ADAMTSL1: variants seen among roughly 807,000 people sequenced by gnomAD.
ADAMTSL1 encodes ADAMTS-like protein 1.
ADAMTSL1 carries 126 observed loss-of-function variants against 201.8 expected under a neutral mutation model. The ratio of observed to expected loss-of-function variants is 0.62; its 90% CI spans 0.54 to 0.72. ADAMTSL1 has a LOEUF of 0.72. Ranked by LOEUF, ADAMTSL1 falls within the 30% of genes least tolerant of loss-of-function variation. ADAMTSL1 has a pLI of 0.00. For synonymous variants in ADAMTSL1, 1,121 were observed against 903.4 expected (o/e 1.24, Z -4.32); for missense variants, 2,679 against 2,277.8 (o/e 1.18, Z -3.59).
intron 2 of ADAMTSL1, among the ~76,000 whole-genome samples, chr9:18,308,118 A>T (rs1833979260): frequency 6.6e-6 from 1 of 152,166 alleles, no homozygotes; most frequent in South Asian, 2.1e-4. Context: ...AAATGAAGGC[A>T]GAAATACATA....
chr9:18,827,478 C>T (rs1172733452), intron 22 of ADAMTSL1, among the ~76,000 whole-genome samples: 1 of 152,096 alleles, frequency 6.6e-6, no homozygotes, highest in African/African-American at 2.4e-5. Context: ...TCACTGGTGG[C>T]TGCATAAACC....
At chr9:18,039,944 A>C (rs1005233343) in intron 1 of ADAMTSL1, among the ~76,000 whole-genome samples, 4 of 152,206 alleles carry the variant, frequency 2.6e-5, no homozygotes, top group Non-Finnish European at 4.4e-5. Flanking sequence ...CTCTTTAGAC[A>C]TATGCTACTA....
Position 18,905,773 on chromosome 9 carries a change from G to T in ADAMTSL1, c.4852-9G>T. On this transcript the variant is annotated splice_polypyrimidine_tract_variant and intron_variant, in intron 26 of 28. Transcript: ENST00000380548. ...AATGTGCGGTATGTTACCTTTTTCT[G>T]CTTTCCAGTGCAATGGGCCTTGCAT... is the stretch of plus-strand genomic sequence containing the variant. The T allele has an allele frequency of 6.2e-7, 1 of 1,609,288 alleles. No homozygotes were observed. The highest frequency in any genetic ancestry group is 2.2e-5 in the East Asian group (1 of 44,780).
intron 1 of ADAMTSL1, among the ~76,000 whole-genome samples, chr9:18,014,690 T>C (rs1377946506): frequency 6.6e-6 from 1 of 151,782 alleles, no homozygotes; most frequent in Admixed American, 6.6e-5. Context: ...AAGGATCATG[T>C]TGGATCAGTG....
chr9:18,360,766 G>C (rs1480697079), intron 2 of ADAMTSL1: 1 of 152,094 alleles, frequency 6.6e-6, no homozygotes, highest in Non-Finnish European at 1.5e-5. Flanking sequence ...AATCACTCCA[G>C]TGCCCACCAA....
In ADAMTSL1 at chr9:18,092,451, T is replaced by C. The variant is rs76877819; in HGVS notation, c.88-71411T>C. ...TGCGTGTACACACACATACATGTATTTGTTCCAAAGTCAAACATGAATTAT... is the reference window on the plus strand; with the variant it reads ...TGCGTGTACACACACATACATGTATCTGTTCCAAAGTCAAACATGAATTAT... On this transcript the variant is annotated intron_variant, in intron 1 of 29. Coordinates refer to the ADAMTSL1 transcript ENST00000680146. 2.0e-5 allele frequency among the ~76,000 whole-genome samples: 3 copies of C among 152,358 alleles called. No homozygotes were observed. In the East Asian group the frequency reaches 5.8e-4, roughly 29 times the overall value.
chr9:18,063,675 G>A (rs1339480168), intron 1 of ADAMTSL1, among the ~76,000 whole-genome samples: 3 of 152,172 alleles, frequency 2.0e-5, no homozygotes, highest in Admixed American at 1.3e-4. Context: ...TGTATACCAC[G>A]AGGAAGAGCT....
intron 23 of ADAMTSL1, among the ~76,000 whole-genome samples, chr9:18,843,173 C>A (rs574365496): frequency 6.6e-6 from 1 of 150,640 alleles, no homozygotes; most frequent in Non-Finnish European, 1.5e-5. Flanking sequence ...TGGCTGGTAC[C>A]GGTTGTTCCT....
chr9:18,456,652 T>G (rs550502147), intron 2 of ADAMTSL1, among the ~76,000 whole-genome samples: 1 of 152,366 alleles, frequency 6.6e-6, no homozygotes, highest in Non-Finnish European at 1.5e-5. Flanking sequence ...TTTTGTTTTC[T>G]TTTCAATTTA....
intron 1 of ADAMTSL1, among the ~76,000 whole-genome samples, chr9:17,926,014 T>C (rs997858094): frequency 6.6e-6 from 1 of 152,108 alleles, no homozygotes; most frequent in East Asian, 1.9e-4. Context: ...GCCTATTATT[T>C]AGGATGTTCT....
intron 1 of ADAMTSL1, among the ~76,000 whole-genome samples, chr9:18,059,146 G>A (rs1822334833): frequency 6.6e-6 from 1 of 152,048 alleles, no homozygotes; most frequent in Non-Finnish European, 1.5e-5. Flanking sequence ...CAATGATTTG[G>A]AGGGTATCAC....
At chr9:18,698,765 G>T (rs1831729936) in intron 13 of ADAMTSL1, among the ~76,000 whole-genome samples, 1 of 152,196 alleles carries the variant, frequency 6.6e-6, no homozygotes, top group African/African-American at 2.4e-5. Flanking sequence ...GAATGCCATT[G>T]GAAATGAGAC....
intron 1 of ADAMTSL1, among the ~76,000 whole-genome samples, chr9:18,059,862 C>G (rs1822371926): frequency 1.3e-5 from 2 of 151,850 alleles, no homozygotes; most frequent in African/African-American, 4.8e-5. Flanking sequence ...TATTTAGATA[C>G]CATTTTAAGT....
chr9:18,702,023 A>G (rs374244450), intron 13 of ADAMTSL1, among the ~76,000 whole-genome samples: 2 of 152,222 alleles, frequency 1.3e-5, no homozygotes, highest in South Asian at 4.1e-4. Flanking sequence ...GGTGGAAGGC[A>G]AGGAGGAGCA....
At chr9:18,047,493 A>G (rs989034987) in intron 1 of ADAMTSL1, among the ~76,000 whole-genome samples, 3 of 152,184 alleles carry the variant, frequency 2.0e-5, no homozygotes, top group Non-Finnish European at 4.4e-5. Context: ...CCTCTAAGGT[A>G]TCAGAAGGTA....
At chr9:18,231,361 C>T (rs142306964) in intron 2 of ADAMTSL1, among the ~76,000 whole-genome samples, 42 of 152,254 alleles carry the variant, frequency 2.8e-4, no homozygotes, top group African/African-American at 9.6e-4. Context: ...TATTATTAAA[C>T]CCATTGGCCT....
intron 2 of ADAMTSL1, among the ~76,000 whole-genome samples, chr9:18,372,893 A>G (rs891258943): frequency 2.0e-5 from 3 of 152,206 alleles, no homozygotes; most frequent in Non-Finnish European, 2.9e-5. Flanking sequence ...GCAACAAACT[A>G]TGGAATCATC....
chr9:18,647,832 G>A (rs1328905285), intron 7 of ADAMTSL1, among the ~76,000 whole-genome samples: 1 of 151,758 alleles, frequency 6.6e-6, no homozygotes, highest in Non-Finnish European at 1.5e-5. Flanking sequence ...TGGAATAGGT[G>A]TGGTGTGGTG....
intron 7 of ADAMTSL1, among the ~76,000 whole-genome samples, chr9:18,654,801 T>TA (rs1218669424): frequency 6.6e-6 from 1 of 152,246 alleles, no homozygotes; most frequent in East Asian, 1.9e-4. Context: ...TTCCATGTTA[T>TA]TCTCTCCCTA....
Sources: allele counts gnomAD v4.1 joint callset (sites outside exome capture counted in the v4.1 genomes callset), GRCh38; gene constraint gnomAD v4.1.1; transcripts MANE v1.5; gene names NCBI Gene and HGNC (gene_info 2026-07-23, HGNC 2026-07-21).